GRM4: variants seen among roughly 807,000 people sequenced by gnomAD.
GRM4 encodes the protein glutamate metabotropic receptor 4.
A neutral mutation model predicts 81.7 loss-of-function variants in GRM4; 28 were observed. That is an observed-to-expected ratio of 0.34 (90% CI 0.25 to 0.47). The LOEUF (loss-of-function observed/expected upper bound fraction) is 0.47. GRM4 is among the 20% of genes least tolerant of loss of function. The probability of loss-of-function intolerance (pLI) is 1.00; values close to 1 mark genes in which losing one functional copy is unlikely to be tolerated. For missense variants in GRM4, 948 were observed against 1,290.0 expected (o/e 0.73, Z 4.06); for synonymous variants, 488 against 528.8 (o/e 0.92, Z 1.06).
chr6:34,129,307 G>A (rs974758896), intron 2 of GRM4, among the ~76,000 whole-genome samples: 11 of 152,188 alleles, frequency 7.2e-5, no homozygotes, highest in African/African-American at 2.2e-4. Context: ...GAGCCACTGC[G>A]CCAGCCACAG....
intron 9 of GRM4, among the ~76,000 whole-genome samples, chr6:34,030,079 C>T (rs1198900093): frequency 6.6e-6 from 1 of 152,238 alleles, no homozygotes; most frequent in East Asian, 1.9e-4. Flanking sequence ...CCAGCGGGGC[C>T]GTGCTGGCCG....
rs370672011 is a variant in GRM4, at chr6:34,145,120, G to C, written c.-364+880C>G. Among the ~76,000 whole-genome samples, 12 of 152,146 alleles carry C rather than the reference G, an allele frequency of 7.9e-5. No individual in the cohort carries two copies. The East Asian group carries it at 1.9e-3, about 25-fold the overall frequency. ...CAGCAAGGTTTAAGCCGCGGCGAGG[G>C]GTCGGCTGCGTGCCGGCCTGCCCCG... On this transcript the variant is annotated intron_variant, in intron 1 of 10. Transcript: ENST00000538487.
chr6:34,100,467 T>C (rs962732274), intron 2 of GRM4, among the ~76,000 whole-genome samples: 2 of 152,192 alleles, frequency 1.3e-5, no homozygotes, highest in Admixed American at 1.3e-4. Flanking sequence ...TGGGGTCCCT[T>C]TGCCTCAGCT....
intron 6 of GRM4, among the ~76,000 whole-genome samples, chr6:34,045,992 C>T (rs1053843061): frequency 7.2e-5 from 11 of 152,170 alleles, no homozygotes; most frequent in African/African-American, 2.7e-4. Flanking sequence ...GTTACTACGG[C>T]GACTGCAGCC....
In GRM4 at chr6:34,056,586, G is replaced by A. The variant is rs376568532; in HGVS notation, c.1126C>T (p.Arg376Cys). Residue 376 changes from arginine to cysteine, a missense_variant, in exon 6 of 11, where the codon CGC becomes TGC. Arg to Cys is a radical substitution (Grantham distance 180). Coordinates refer to ENST00000538487, the MANE Select transcript of GRM4 (RefSeq NM_000841.4). Reference sequence around the variant, plus strand: ...TGGCTGCCCTTCTTGAGGGCGTGGCGGCTCAGCTTGCAGTGGAAGTTGTCC... The same window carrying A: ...TGGCTGCCCTTCTTGAGGGCGTGGCAGCTCAGCTTGCAGTGGAAGTTGTCC... ...WEDNFHCKLS[R>C]HALKKGSHVK... is the part of the protein sequence containing the mutation. The A allele has an allele frequency of 3.1e-6, 5 of 1,613,406 alleles. No homozygotes were observed. Among genetic ancestry groups the A allele is most frequent in the Middle Eastern group, 1.7e-4 (1 of 6,044 alleles).
At chr6:34,054,626 C>T (rs1233206363) in intron 6 of GRM4, 2 of 152,360 alleles carry the variant, frequency 1.3e-5, no homozygotes, top group African/African-American at 4.8e-5. Flanking sequence ...GCCTTCTCCC[C>T]TCCTGTCCCT....
Position 34,036,345 on chromosome 6 carries a change from C to A in GRM4, c.1765G>T (p.Val589Leu), listed in dbSNP as rs377004554. Residue 589 changes from valine (V) to leucine (L), a missense_variant, in exon 9 of 11, where the codon GTG (valine) becomes TTG (leucine). Val to Leu is a conservative substitution (Grantham distance 32). Transcript: ENST00000538487. This position sits in a 1 kb window ranked among gnomAD's most constrained non-coding sequence, Gnocchi z 9.0. Reference sequence around the variant, plus strand: ...ACCACGGCCAGGAAGAGGGGCAGCACGGCCCAGGGCGAGCCCCACTCAAGC... The same window carrying A: ...ACCACGGCCAGGAAGAGGGGCAGCAAGGCCCAGGGCGAGCCCCACTCAAGC... ...IKLEWGSPWAVLPLFLAVVGI... is the reference protein window; with the variant it reads ...IKLEWGSPWALLPLFLAVVGI... The A allele has an allele frequency of 1.2e-6, 2 of 1,613,718 alleles. No individual in the cohort carries two copies. The highest frequency in any genetic ancestry group is 1.7e-6 in the Non-Finnish European group (2 of 1,179,892).
intron 2 of GRM4, among the ~76,000 whole-genome samples, chr6:34,118,533 C>T (rs1769683210): frequency 6.6e-6 from 1 of 152,170 alleles, no homozygotes; most frequent in Non-Finnish European, 1.5e-5. Context: ...GTAAAAAAGC[C>T]GTCCTGACCG....
Position 34,049,351 on chromosome 6 carries a change from C to A in GRM4, c.1168+7193G>T, listed in dbSNP as rs1765502711. Among the ~76,000 whole-genome samples the A allele has an allele frequency of 2.0e-5, 3 of 152,220 alleles. No individual in the cohort carries two copies. The South Asian group carries it at 6.2e-4, about 32-fold the overall frequency. On this transcript the variant is annotated intron_variant, in intron 6 of 10. Coordinates refer to ENST00000538487, the MANE Select transcript of GRM4 (RefSeq NM_000841.4). The stretch of plus-strand genomic sequence containing the variant: ...CCTCTCTTTATCGCCGCCGGGACAC[C>A]ACGCTCTGGGCCCTGCTGCCTCCCA...
At chr6:34,072,123 A>G in intron 3 of GRM4, among the ~76,000 whole-genome samples, 1 of 9,694 alleles carries the variant, frequency 1.0e-4, no homozygotes, top group Middle Eastern at 0.083. Flanking sequence ...CACACCACAC[A>G]TAGACACACA....
intron 2 of GRM4, among the ~76,000 whole-genome samples, chr6:34,110,232 T>C (rs369524741): frequency 6.8e-6 from 1 of 146,892 alleles, no homozygotes; most frequent in Admixed American, 7.1e-5. Flanking sequence ...AGGTCGAGGC[T>C]GCAGTGAGCC....
chr6:34,079,519 T>C (rs2046822), intron 3 of GRM4, among the ~76,000 whole-genome samples: 89,437 of 150,942 alleles, frequency 0.59, 29,610 homozygotes, highest in Non-Finnish European at 0.74. Flanking sequence ...GAAATAAACA[T>C]GTATATAGCT....
chr6:34,104,818 A>G (rs1043414254), intron 2 of GRM4, among the ~76,000 whole-genome samples: 3 of 152,164 alleles, frequency 2.0e-5, no homozygotes, highest in African/African-American at 7.2e-5. Flanking sequence ...CCCCTGCTGC[A>G]CTGACGGGTA....
At chr6:34,024,026 G>T (rs1156323168) in intron 10 of GRM4, among the ~76,000 whole-genome samples, 1 of 152,186 alleles carries the variant, frequency 6.6e-6, no homozygotes, top group Non-Finnish European at 1.5e-5. Context: ...CTGACCCTCG[G>T]TCAGGATCTG....
Position 34,133,469 on chromosome 6 carries a change from A to G in GRM4, c.28T>C (p.Trp10Arg). ...AGGCAAAGGGGCAGCCGGGCCCACC[A>G]CCAGCCCAAGCCTCTCTTCCCAGGC... The part of the protein sequence containing the change: MPGKRGLGW[W>R]WARLPLCLLL... The change falls in exon 2 of 11, where the codon TGG becomes CGG. Residue 10 changes from tryptophan to arginine, a missense_variant. Transcript: ENST00000538487. This position sits in a 1 kb window ranked among gnomAD's most constrained non-coding sequence, Gnocchi z 6.5. 1 of 1,587,844 alleles carries G rather than the reference A, an allele frequency of 6.3e-7. No individual in the cohort carries two copies. The highest frequency in any genetic ancestry group is 1.3e-5 in the African/African-American group (1 of 74,532).
chr6:34,052,622 G>C (rs1236774760), intron 6 of GRM4, among the ~76,000 whole-genome samples: 1 of 152,240 alleles, frequency 6.6e-6, no homozygotes, highest in African/African-American at 2.4e-5. Flanking sequence ...AGAGAACAGA[G>C]TGAGCTGATC....
rs1768059847 is a variant in GRM4, at chr6:34,089,075, A to C, written c.736+2808T>G. On this transcript the variant is annotated intron_variant, in intron 3 of 10. Transcript: ENST00000538487. This position sits in a 1 kb window ranked among gnomAD's most constrained non-coding sequence, Gnocchi z 4.3. ...CTGGCCTCCATTTCCCCATCTATAA[A>C]ATGGGCATAGTCATGCTCCTCTGAA... 6.6e-6 allele frequency among the ~76,000 whole-genome samples: 1 copy of C among 151,954 alleles called. No homozygotes were observed. Among genetic ancestry groups the C allele is most frequent in the African/African-American group, 2.4e-5 (1 of 41,356 alleles).
chr6:34,109,701 C>T (rs1769286516), intron 2 of GRM4, among the ~76,000 whole-genome samples: 1 of 152,132 alleles, frequency 6.6e-6, no homozygotes, highest in Non-Finnish European at 1.5e-5. Context: ...TACGGTGTCC[C>T]TGACTGTGGC....
At chr6:34,122,674 A>G (rs1366653703) in intron 2 of GRM4, among the ~76,000 whole-genome samples, 5 of 151,822 alleles carry the variant, frequency 3.3e-5, no homozygotes, top group African/African-American at 1.2e-4. Context: ...TGCTGCGGGC[A>G]CCATCCTGTT....
Sources: allele counts gnomAD v4.1 joint callset (sites outside exome capture counted in the v4.1 genomes callset), GRCh38; gene constraint gnomAD v4.1.1; non-coding constraint Gnocchi (gnomAD v3.1); transcripts MANE v1.5; gene names NCBI Gene and HGNC (gene_info 2026-07-23, HGNC 2026-07-21).